The following CYP4F22 variants were observed in gnomAD, a reference collection of about 807,000 sequenced individuals.
CYP4F22 encodes ultra-long-chain fatty acid omega-hydroxylase.
A neutral mutation model predicts 60.4 loss-of-function variants in CYP4F22; 37 were observed. The ratio of observed to expected loss-of-function variants is 0.61; its 90% confidence interval spans 0.47 to 0.81. The LOEUF (loss-of-function observed/expected upper bound fraction) is 0.81. Ranked by LOEUF, CYP4F22 falls within the 30% of genes least tolerant of loss-of-function variation. The pLI is 0.00. For missense variants in CYP4F22, 655 were observed against 715.0 expected (o/e 0.92, Z 0.96); for synonymous variants, 258 against 280.5 (o/e 0.92, Z 0.80).
intron 3 of CYP4F22, among the ~76,000 whole-genome samples, chr19:15,529,141 T>TA (rs1180683036): frequency 3.4e-4 from 52 of 151,352 alleles, no homozygotes; most frequent in African/African-American, 4.4e-4. Flanking sequence ...TTATTTTTTT[T>TA]TTTTGAGGTG....
At chr19:15,548,486 A>G (rs1003559072) in intron 11 of CYP4F22, among the ~76,000 whole-genome samples, 5 of 152,124 alleles carry the variant, frequency 3.3e-5, no homozygotes, top group African/African-American at 7.2e-5. Context: ...GTGAGGGTGC[A>G]GTTGGGGAGG....
At chr19:15,510,908 C>T (rs1253650477) in intron 1 of CYP4F22, among the ~76,000 whole-genome samples, 2 of 148,466 alleles carry the variant, frequency 1.3e-5, no homozygotes, top group African/African-American at 5.0e-5. Context: ...GGTTTGAGCC[C>T]AGGACTTTGA....
At chr19:15,512,953 C>A (rs1218653940) in intron 1 of CYP4F22, among the ~76,000 whole-genome samples, 1 of 151,864 alleles carries the variant, frequency 6.6e-6, no homozygotes, top group African/African-American at 2.4e-5. Context: ...CAGGCCCTTT[C>A]CAGAGGCTGC....
intron 1 of CYP4F22, chr19:15,516,795 T>G: frequency 1.7e-6 from 1 of 583,724 alleles, no homozygotes. Context: ...GAGGATCTCA[T>G]GAGAGGTCCA....
At chr19:15,537,158 G>A (rs532947557) in intron 4 of CYP4F22, among the ~76,000 whole-genome samples, 8 of 152,104 alleles carry the variant, frequency 5.3e-5, no homozygotes, top group South Asian at 4.1e-4. Context: ...CAAATTAGCC[G>A]GGCATGGTGG....
In CYP4F22 at chr19:15,525,450, G is replaced by C. The variant is rs1481409514; in HGVS notation, c.114G>C (p.Leu38=). 2 of 1,614,008 alleles carry C rather than the reference G, an allele frequency of 1.2e-6. No homozygotes were observed. The highest frequency in any genetic ancestry group is 8.5e-7 in the Non-Finnish European group (1 of 1,180,036). Residue 38 remains leucine (L), a synonymous_variant, in exon 3 of 14, where the codon CTG becomes CTC. Transcript: ENST00000269703. ...TCCTGCTCTTCTTCCTGTTCCGCCT[G>C]CTGCTGCGGTTCCTGAGGCTCTGCA... ...LLFLLFFLFR[L]LLRFLRLCRS... is the part of the protein sequence containing the mutation.
intron 1 of CYP4F22, chr19:15,516,730 G>C: frequency 1.7e-6 from 1 of 573,910 alleles, no homozygotes; most frequent in Non-Finnish European, 3.0e-6. Context: ...TTTTGGGGAA[G>C]TCTTTGTATT....
chr19:15,537,489 T>A, intron 5 of CYP4F22, 46 bp from the exon 6 acceptor site: 1 of 1,614,040 alleles, frequency 6.2e-7, no homozygotes, highest in Middle Eastern at 1.6e-4. Context: ...CTTGGAAGGT[T>A]TCAGAGTAAC....
At position 15,537,998 on chromosome 19, in the gene CYP4F22, G is replaced by A. The variant is rs758343094; in HGVS notation, c.671+5G>A. The A allele has an allele frequency of 1.1e-5, 17 of 1,614,092 alleles. No homozygotes were observed. The South Asian group carries it at 1.8e-4, about 17-fold the overall frequency. On this transcript the variant is annotated splice_donor_5th_base_variant and intron_variant, in intron 7 of 13. Coordinates refer to ENST00000269703, the MANE Select transcript of CYP4F22 (RefSeq NM_173483.4). ...CTACAACAGCAACTGCCAAGAGTGA[G>A]TGTGACCCTTCTTGGGAAGATGGAG...
At chr19:15,527,689 C>T (rs1273521) in intron 3 of CYP4F22, among the ~76,000 whole-genome samples, 4,039 of 152,218 alleles carry the variant, frequency 0.027, 159 homozygotes, top group African/African-American at 0.084. Context: ...CTGAGCCTGA[C>T]GGGGAAGGAG....
intron 10 of CYP4F22, among the ~76,000 whole-genome samples, chr19:15,545,648 CAAAAAAAAAAAA>C (rs1217096575): frequency 1.0e-4 from 4 of 38,940 alleles, no homozygotes; most frequent in African/African-American, 3.2e-4. Flanking sequence ...GACCCTGTCT[CAAAAAAAAAAAA>C]AAAAAAAAAA....
intron 4 of CYP4F22, among the ~76,000 whole-genome samples, chr19:15,531,973 G>A (rs1242618352): frequency 9.9e-5 from 15 of 151,972 alleles, no homozygotes; most frequent in Admixed American, 6.6e-5. Flanking sequence ...AGGTGTGGTG[G>A]TGCGTGCCTA....
intron 4 of CYP4F22, among the ~76,000 whole-genome samples, chr19:15,532,565 A>G (rs1197427440): frequency 6.6e-6 from 1 of 151,134 alleles, no homozygotes; most frequent in African/African-American, 2.4e-5. Context: ...TTTTTTCAGT[A>G]GAGACGGGGC....
rs1256722526 is a variant in CYP4F22, at chr19:15,540,668, C to T, written c.890C>T (p.Ala297Val). 5.0e-6 allele frequency: 8 copies of T among 1,613,588 alleles called. No homozygotes were observed. The African/African-American group carries it at 9.4e-5, about 19-fold the overall frequency. The change falls in exon 8 of 14, where the codon GCC (alanine) becomes GTC (valine). Residue 297 changes from alanine (A) to valine (V), a missense_variant. By Grantham distance (64) the Ala-to-Val change is moderately conservative. Coordinates refer to ENST00000269703, the MANE Select transcript of CYP4F22 (RefSeq NM_173483.4). ...CAGGGGGCCGAGGCCTGGCTTAAGG[C>T]CAAGCAGGGGAAGACCTTGGACTTT... ...RQQGAEAWLK[A>V]KQGKTLDFID...
chr19:15,514,314 TA>T (rs1347447309), intron 1 of CYP4F22, among the ~76,000 whole-genome samples: 1 of 152,184 alleles, frequency 6.6e-6, no homozygotes, highest in Non-Finnish European at 1.5e-5. Flanking sequence ...TCGGTTAGAT[TA>T]TTGATAAAGT....
At chr19:15,541,212 T>C (rs1176354833) in intron 8 of CYP4F22, among the ~76,000 whole-genome samples, 1 of 152,250 alleles carries the variant, frequency 6.6e-6, no homozygotes, top group Non-Finnish European at 1.5e-5. Context: ...ACAAACTAAA[T>C]GGCCTAAACA....
chr19:15,543,198 A>G (rs1971483407), intron 8 of CYP4F22, among the ~76,000 whole-genome samples: 1 of 152,092 alleles, frequency 6.6e-6, no homozygotes, highest in Non-Finnish European at 1.5e-5. Context: ...CTATTTCTCC[A>G]CAGCCTCACC....
chr19:15,532,235 A>G lies in CYP4F22; in HGVS notation c.367+2382A>G, dbSNP rs536785126. On this transcript the variant is annotated intron_variant, in intron 4 of 13. Transcript: ENST00000269703. ...TCCTCCCTCTTCTCCTCCTCCTTCTACTTCTCTCTCTACTCCTCTTTCCCC... is the reference window on the plus strand; with the variant it reads ...TCCTCCCTCTTCTCCTCCTCCTTCTGCTTCTCTCTCTACTCCTCTTTCCCC... Among the ~76,000 whole-genome samples the G allele has an allele frequency of 3.1e-5, 4 of 127,362 alleles. No homozygotes were observed. In the South Asian group the frequency reaches 1.0e-3, roughly 32 times the overall value. The allele number at this position is 127,362 out of a possible 152,430, so 83.6% of individuals were successfully genotyped here.
intron 8 of CYP4F22, among the ~76,000 whole-genome samples, chr19:15,542,337 G>A (rs1273536): frequency 6.6e-6 from 1 of 151,616 alleles, no homozygotes. Flanking sequence ...TTCAAGACGA[G>A]CCTGGCCAAC....
Sources: gnomAD v4.1 joint callset for allele counts (sites outside exome capture counted in the v4.1 genomes callset) on GRCh38, gnomAD v4.1.1 for gene constraint, MANE v1.5 for transcripts, NCBI Gene and HGNC (gene_info 2026-07-23, HGNC 2026-07-21) for gene names.